Variants in NALCN observed in about 807,000 individuals in gnomAD.
NALCN encodes sodium leak channel NALCN.
In NALCN, 111 loss-of-function variants were observed where a neutral mutation model predicts 225.3. The ratio of observed to expected loss-of-function variants is 0.49; its 90% CI spans 0.42 to 0.58. The LOEUF is 0.58. NALCN is among the 20% of genes least tolerant of loss of function. The probability of loss-of-function intolerance (pLI) is 0.00; values close to 1 mark genes in which losing one functional copy is unlikely to be tolerated. For synonymous variants in NALCN, 764 were observed against 769.0 expected, an observed-to-expected ratio of 0.99 and a Z score of 0.11; for missense variants, 1,378 against 2,202.4, an observed-to-expected ratio of 0.63 and a Z score of 7.49.
chr13:101,342,049 A>G (rs2045575025), intron 7 of NALCN, among the ~76,000 whole-genome samples: 1 of 152,206 alleles, frequency 6.6e-6, no homozygotes, highest in African/African-American at 2.4e-5. Context: ...ACTGTGAGAA[A>G]TAAATTTCTC....
At chr13:101,263,955 A>G (rs111605554) in intron 10 of NALCN, among the ~76,000 whole-genome samples, 1,867 of 152,346 alleles carry the variant, frequency 0.012, 37 homozygotes, top group African/African-American at 0.043. Context: ...TGATGACATT[A>G]CATTTAGATT....
intron 13 of NALCN, among the ~76,000 whole-genome samples, chr13:101,208,879 T>A (rs2040420993): frequency 6.6e-6 from 1 of 152,230 alleles, no homozygotes; most frequent in African/African-American, 2.4e-5. Flanking sequence ...GGTGCTACAC[T>A]TCCTGTACAG....
intron 26 of NALCN, 125 bp downstream of exon 26, chr13:101,103,047 C>T: frequency 2.6e-6 from 3 of 1,137,820 alleles, no homozygotes; most frequent in Non-Finnish European, 3.8e-6. Context: ...TTAGTGCCTC[C>T]ATTACCCTCT....
intron 7 of NALCN, among the ~76,000 whole-genome samples, chr13:101,306,074 T>G (rs1192637869): frequency 6.6e-6 from 1 of 152,166 alleles, no homozygotes; most frequent in African/African-American, 2.4e-5. Context: ...GCCAGTCTGC[T>G]CATCTGCCAT....
Position 101,058,000 on chromosome 13 carries a change from C to CCGA in NALCN, c.4959_4961dup (p.Arg1654dup). ...GTTTCCCTGCGTCGGCTGCATCTTG[C>CCGA]CGACTTCCTCCTCGATCCGACAGCG... On this transcript the variant is annotated inframe_insertion, in exon 43 of 44. Coordinates refer to ENST00000251127, the MANE Select transcript of NALCN (RefSeq NM_052867.4). 1.2e-6 allele frequency: 2 copies of CCGA among 1,613,832 alleles called. No individual in the cohort carries two copies. The highest frequency in any genetic ancestry group is 4.5e-5 in the East Asian group (2 of 44,874).
chr13:101,239,453 G>A (rs2041680540), intron 11 of NALCN, among the ~76,000 whole-genome samples: 1 of 151,804 alleles, frequency 6.6e-6, no homozygotes, highest in South Asian at 2.1e-4. Flanking sequence ...TAAAGATTTG[G>A]GTATGCAGGA....
At chr13:101,280,056 A>G (rs555006732) in intron 10 of NALCN, among the ~76,000 whole-genome samples, 13 of 152,112 alleles carry the variant, frequency 8.5e-5, no homozygotes, top group African/African-American at 3.1e-4. Context: ...TTTTTACTTA[A>G]TTCTTTTCTT....
At chr13:101,245,572 A>T (rs2041870368) in intron 11 of NALCN, among the ~76,000 whole-genome samples, 2 of 152,018 alleles carry the variant, frequency 1.3e-5, no homozygotes, top group African/African-American at 4.8e-5. Context: ...TCTACCCCCC[A>T]ACTAAGAACA....
At chr13:101,294,396 A>G (rs2139059298) in intron 7 of NALCN, among the ~76,000 whole-genome samples, 1 of 152,274 alleles carries the variant, frequency 6.6e-6, no homozygotes, top group South Asian at 2.1e-4. Context: ...TCTTGATTTG[A>G]TAATTACACA....
Position 101,055,419 on chromosome 13 carries a change from G to T in NALCN, c.5093C>A (p.Ser1698Tyr). Residue 1698 changes from serine (S) to tyrosine (Y), a missense_variant, in exon 44 of 44, where the codon TCT becomes TAT. Ser to Tyr is a moderately radical substitution (Grantham distance 144, BLOSUM62 -2). This residue lies in a region of NALCN where 145 missense variants were observed against 169.6 expected (regional missense o/e 0.85). Transcript: ENST00000251127. ...CATGGGGTTCATTTTGCACACGACAGATTTCATGGTTGTCCTTCCTCCAAA... is the reference window on the plus strand; with the variant it reads ...CATGGGGTTCATTTTGCACACGACATATTTCATGGTTGTCCTTCCTCCAAA... ...LRFGGRTTMK[S>Y]VVCKMNPMTD... The T allele has an allele frequency of 6.2e-7, 1 of 1,614,170 alleles. No individual in the cohort carries two copies. The highest frequency in any genetic ancestry group is 8.5e-7 in the Non-Finnish European group (1 of 1,180,022).
Position 101,054,419 on chromosome 13 carries a change from T to C in NALCN, c.*876A>G, listed in dbSNP as rs999548503. 2.0e-5 allele frequency: 3 copies of C among 152,178 alleles called. No individual in the cohort carries two copies. Among genetic ancestry groups the C allele is most frequent in the Non-Finnish European group, 4.4e-5 (3 of 68,016 alleles). 9.4% of individuals were successfully genotyped at this position (152,178 alleles called of 1,614,324 possible). Reference sequence around the variant, plus strand: ...GATTTATGGCAAAACAGACATACCTTGGGTAAGAAATGAAGCCAATGATAA... The same window carrying C: ...GATTTATGGCAAAACAGACATACCTCGGGTAAGAAATGAAGCCAATGATAA... On this transcript the variant is annotated 3_prime_UTR_variant, in exon 44 of 44. Coordinates refer to ENST00000251127, the MANE Select transcript of NALCN (RefSeq NM_052867.4).
At chr13:101,238,037 C>A in intron 11 of NALCN, 115 bp from the exon 12 acceptor site, 2 of 789,644 alleles carry the variant, frequency 2.5e-6, no homozygotes, top group Admixed American at 3.1e-5. Context: ...CTAAGGTGCC[C>A]CATAAGGTCA....
intron 10 of NALCN, among the ~76,000 whole-genome samples, chr13:101,266,085 G>A (rs1467742822): frequency 6.6e-6 from 1 of 152,184 alleles, no homozygotes; most frequent in African/African-American, 2.4e-5. Flanking sequence ...TTTTCTCACA[G>A]AGGAAATGAG....
At chr13:101,102,777 C>T (rs967135492) in intron 26 of NALCN, among the ~76,000 whole-genome samples, 1 of 152,162 alleles carries the variant, frequency 6.6e-6, no homozygotes, top group Admixed American at 6.5e-5. Flanking sequence ...CAGGAACACA[C>T]AGAATGAGAT....
chr13:101,082,652 C>A (rs927844521), intron 33 of NALCN, among the ~76,000 whole-genome samples, 157 bp downstream of exon 33: 1 of 152,100 alleles, frequency 6.6e-6, no homozygotes, highest in African/African-American at 2.4e-5. Context: ...TGTCTTTGTT[C>A]GAGTTAAGCA....
intron 7 of NALCN, among the ~76,000 whole-genome samples, chr13:101,324,435 C>T (rs1273682476): frequency 6.6e-6 from 1 of 152,138 alleles, no homozygotes; most frequent in East Asian, 1.9e-4. Context: ...TCCCCAACAA[C>T]TTTAGTTTTT....
At chr13:101,175,332 C>T (rs2038916565) in intron 15 of NALCN, among the ~76,000 whole-genome samples, 1 of 151,058 alleles carries the variant, frequency 6.6e-6, no homozygotes, top group African/African-American at 2.4e-5. Flanking sequence ...AAATGAAATG[C>T]CTAACCTGAT....
intron 13 of NALCN, among the ~76,000 whole-genome samples, chr13:101,197,916 C>A (rs919373376): frequency 1.3e-5 from 2 of 152,144 alleles, no homozygotes; most frequent in Non-Finnish European, 2.9e-5. Context: ...TCAGTCTCTG[C>A]ATGAACAGAA....
At chr13:101,073,762 G>T in intron 36 of NALCN, 85 bp from the exon 37 acceptor site, 1 of 1,167,616 alleles carries the variant, frequency 8.6e-7, no homozygotes, top group Non-Finnish European at 1.2e-6. Context: ...ACCAAAACAA[G>T]TGGAGGTTGT....
Sources: allele counts gnomAD v4.1 joint callset (sites outside exome capture counted in the v4.1 genomes callset), GRCh38; gene constraint gnomAD v4.1.1; regional missense constraint gnomAD v4.1.1; transcripts MANE v1.5; gene names NCBI Gene and HGNC (gene_info 2026-07-23, HGNC 2026-07-21).